Variants in JAM3 observed in about 807,000 individuals in gnomAD.
The protein encoded by JAM3 is junctional adhesion molecule 3.
In JAM3, 31 loss-of-function variants were observed where a neutral mutation model predicts 39.4. The ratio of observed to expected loss-of-function variants is 0.79; its 90% CI spans 0.59 to 1.06. The LOEUF is 1.06. JAM3 is among the 50% of genes least tolerant of loss of function. The pLI is 0.00. For synonymous variants in JAM3, 182 were observed against 148.7 expected, an observed-to-expected ratio of 1.22 and a Z score of -1.63; for missense variants, 455 against 391.4, an observed-to-expected ratio of 1.16 and a Z score of -1.37.
intron 1 of JAM3, among the ~76,000 whole-genome samples, chr11:134,122,100 A>G (rs1486374720): frequency 6.6e-6 from 1 of 152,142 alleles, no homozygotes; most frequent in Non-Finnish European, 1.5e-5. Context: ...CTGGGATGGG[A>G]GAAGAGAGAA....
At chr11:134,148,250 T>C (rs1160099219) in intron 6 of JAM3, 1 of 441,610 alleles carries the variant, frequency 2.3e-6, no homozygotes, top group East Asian at 4.5e-5. Flanking sequence ...ATCTCAGGCA[T>C]TCAGCCAGAG....
At chr11:134,106,475 A>G (rs1423333711) in intron 1 of JAM3, among the ~76,000 whole-genome samples, 2 of 152,248 alleles carry the variant, frequency 1.3e-5, no homozygotes, top group Admixed American at 6.5e-5. Context: ...AGCAATGGCA[A>G]CAAAAGCCAA....
intron 1 of JAM3, 169 bp from the exon 2 acceptor site, chr11:134,139,682 G>C: frequency 4.6e-6 from 3 of 650,538 alleles, no homozygotes; most frequent in South Asian, 1.7e-5. Flanking sequence ...AGATTTGAGA[G>C]AGAAAGCAGT....
intron 1 of JAM3, among the ~76,000 whole-genome samples, chr11:134,122,145 C>T (rs745996508): frequency 2.6e-5 from 4 of 152,086 alleles, no homozygotes; most frequent in Non-Finnish European, 5.9e-5. Flanking sequence ...AATCAAAACT[C>T]CAGCAATAGG....
intron 3 of JAM3, among the ~76,000 whole-genome samples, chr11:134,142,368 G>T (rs1261788610): frequency 1.3e-5 from 2 of 152,140 alleles, no homozygotes; most frequent in Non-Finnish European, 2.9e-5. Context: ...CCACTAATGG[G>T]TGGGTGTATA....
chr11:134,125,347 C>G (rs750405346), intron 1 of JAM3, among the ~76,000 whole-genome samples: 2 of 152,186 alleles, frequency 1.3e-5, no homozygotes, highest in Non-Finnish European at 2.9e-5. Flanking sequence ...GCAGACTCAT[C>G]CAAGATAGGG....
intron 1 of JAM3, among the ~76,000 whole-genome samples, chr11:134,115,726 T>A (rs1468167135): frequency 6.6e-6 from 1 of 151,074 alleles, no homozygotes; most frequent in East Asian, 1.9e-4. Context: ...ACATGTGAGA[T>A]CCTGTCTCTT....
At chr11:134,089,239 CA>C in intron 1 of JAM3, among the ~76,000 whole-genome samples, 2 of 152,294 alleles carry the variant, frequency 1.3e-5, no homozygotes, top group Admixed American at 1.3e-4. Context: ...ACATACTAAG[CA>C]GCACTTAGGA....
intron 3 of JAM3, among the ~76,000 whole-genome samples, chr11:134,141,085 C>T (rs921837768): frequency 1.3e-5 from 2 of 152,032 alleles, no homozygotes; most frequent in Admixed American, 6.6e-5. Flanking sequence ...TCTCATGATC[C>T]TGATGTGAGT....
At chr11:134,072,480 T>A (rs982704993) in intron 1 of JAM3, among the ~76,000 whole-genome samples, 7 of 152,166 alleles carry the variant, frequency 4.6e-5, no homozygotes, top group Non-Finnish European at 8.8e-5. Flanking sequence ...CTAATTTTTT[T>A]ATTGTTTTTA....
chr11:134,130,486 C>T (rs1942748980), intron 1 of JAM3, among the ~76,000 whole-genome samples: 1 of 152,056 alleles, frequency 6.6e-6, no homozygotes, highest in Non-Finnish European at 1.5e-5. Flanking sequence ...GTGATCTCAG[C>T]AAAATGGTGG....
At chr11:134,095,681 A>G (rs1262079260) in intron 1 of JAM3, among the ~76,000 whole-genome samples, 1 of 152,190 alleles carries the variant, frequency 6.6e-6, no homozygotes, top group Non-Finnish European at 1.5e-5. Flanking sequence ...AGCAAATCAA[A>G]TAGAAACAAA....
At chr11:134,106,954 C>T (rs1257176957) in intron 1 of JAM3, among the ~76,000 whole-genome samples, 1 of 152,124 alleles carries the variant, frequency 6.6e-6, no homozygotes, top group Non-Finnish European at 1.5e-5. Flanking sequence ...ACTAGAAATA[C>T]CTTTTGACCC....
intron 5 of JAM3, 151 bp downstream of exon 5, chr11:134,145,145 C>A (rs959117703): frequency 5.6e-6 from 4 of 713,160 alleles, no homozygotes; most frequent in Non-Finnish European, 1.0e-5. Context: ...GGAAAAATGA[C>A]CCTTCTTCCT....
intron 1 of JAM3, among the ~76,000 whole-genome samples, chr11:134,107,398 G>T (rs142311708): frequency 1.4e-4 from 22 of 152,010 alleles, no homozygotes; most frequent in Non-Finnish European, 3.1e-4. Flanking sequence ...GAGTTAATGG[G>T]TGCAGCACAC....
At chr11:134,070,356 C>A in intron 1 of JAM3, 1 of 382,630 alleles carries the variant, frequency 2.6e-6, no homozygotes. Flanking sequence ...TGATGTTTTC[C>A]AGAATATACA....
Position 134,149,550 on chromosome 11 carries a change from A to G in JAM3, c.*369A>G. The G allele has an allele frequency of 2.0e-6, 1 of 488,454 alleles. No individual in the cohort carries two copies. Among genetic ancestry groups the G allele is most frequent in the South Asian group, 1.5e-5 (1 of 64,626 alleles). 30.3% of individuals were successfully genotyped at this position (488,454 alleles called of 1,614,324 possible). ...CCAGCATGTTCACCACTGGTCGTTC[A>G]GCAGCCACGACAGCACCATGTGAGA... On this transcript the variant is annotated 3_prime_UTR_variant, in exon 9 of 9. Coordinates refer to ENST00000299106, the MANE Select transcript of JAM3 (RefSeq NM_032801.5).
intron 1 of JAM3, among the ~76,000 whole-genome samples, chr11:134,102,712 C>G (rs934581042): frequency 6.6e-6 from 1 of 152,066 alleles, no homozygotes; most frequent in South Asian, 2.1e-4. Flanking sequence ...AACTACGTGA[C>G]GAATGCACAA....
At chr11:134,142,558 T>A (rs548071987) in intron 3 of JAM3, among the ~76,000 whole-genome samples, 6 of 152,204 alleles carry the variant, frequency 3.9e-5, no homozygotes, top group Non-Finnish European at 8.8e-5. Flanking sequence ...CTTCCCCTAT[T>A]TGTTGTTTTC....
Sources: allele counts gnomAD v4.1 joint callset (sites outside exome capture counted in the v4.1 genomes callset), GRCh38; gene constraint gnomAD v4.1.1; transcripts MANE v1.5; gene names NCBI Gene and HGNC (gene_info 2026-07-23, HGNC 2026-07-21).